Variants in KCNMA1 observed in about 807,000 individuals in gnomAD.
KCNMA1 encodes Calcium-activated potassium channel subunit alpha-1.
Under a neutral mutation model 140.0 loss-of-function variants are expected in KCNMA1, and 29 were observed. The ratio of observed to expected loss-of-function variants is 0.21; its 90% CI spans 0.15 to 0.28. KCNMA1 has a LOEUF of 0.28. KCNMA1 is among the 10% of genes least tolerant of loss of function. The pLI, the probability that KCNMA1 is intolerant of heterozygous loss-of-function variation, is 1.00. For missense variants in KCNMA1, 880 were observed against 1,602.2 expected, an observed-to-expected ratio of 0.55 and a Z score of 7.70; for synonymous variants, 612 against 611.9, an observed-to-expected ratio of 1.00 and a Z score of 0.00.
chr10:77,537,493 CATGAGCT>C (rs1428713973), intron 1 of KCNMA1, among the ~76,000 whole-genome samples: 1 of 152,184 alleles, frequency 6.6e-6, no homozygotes, highest in Admixed American at 6.5e-5. Context: ...GTCCAAGACA[CATGAGCT>C]TCCTTGGAAA....
chr10:77,603,439 T>G (rs965288798), intron 1 of KCNMA1, among the ~76,000 whole-genome samples: 3 of 152,196 alleles, frequency 2.0e-5, no homozygotes, highest in African/African-American at 4.8e-5. Context: ...GGATGCAGTC[T>G]GGAGCTTGCA....
chr10:77,217,874 G>A (rs989439726), intron 3 of KCNMA1, among the ~76,000 whole-genome samples: 5 of 152,076 alleles, frequency 3.3e-5, no homozygotes, highest in African/African-American at 1.2e-4. Flanking sequence ...ATAAAAGTTC[G>A]ATAACCACCA....
At chr10:77,469,640 T>C (rs1237392778) in intron 1 of KCNMA1, among the ~76,000 whole-genome samples, 1 of 152,076 alleles carries the variant, frequency 6.6e-6, no homozygotes, top group Non-Finnish European at 1.5e-5. Flanking sequence ...AGCCCAGAAG[T>C]GTGGCCAAAC....
intron 5 of KCNMA1, among the ~76,000 whole-genome samples, chr10:77,170,527 CA>C (rs879674438): frequency 0.11 from 15,228 of 144,166 alleles, 1,383 homozygotes; most frequent in African/African-American, 0.18. Context: ...GGGAGAAGGT[CA>C]GAGGTGAGGC....
chr10:77,048,172 T>C (rs964918487), intron 14 of KCNMA1, among the ~76,000 whole-genome samples: 1 of 147,368 alleles, frequency 6.8e-6, no homozygotes, highest in Non-Finnish European at 1.5e-5. Context: ...CAATGCAAGG[T>C]ACAAATCCAA....
chr10:76,894,522 T>G (rs1055822282), intron 25 of KCNMA1, among the ~76,000 whole-genome samples: 2 of 152,166 alleles, frequency 1.3e-5, no homozygotes, highest in Admixed American at 6.5e-5. Context: ...TGAAGGACAC[T>G]ATCCAAAAAG....
At chr10:76,993,790 A>G (rs1292769712) in intron 19 of KCNMA1, among the ~76,000 whole-genome samples, 1 of 152,192 alleles carries the variant, frequency 6.6e-6, no homozygotes, top group Non-Finnish European at 1.5e-5. Flanking sequence ...CAGACTAAGA[A>G]CAAAACCCTT....
chr10:77,472,630 C>T (rs906752156), intron 1 of KCNMA1, among the ~76,000 whole-genome samples: 2 of 152,314 alleles, frequency 1.3e-5, no homozygotes, highest in Middle Eastern at 3.4e-3. Context: ...CATGATAGCT[C>T]CTATAAAACA....
At chr10:77,498,103 C>G (rs1379755522) in intron 1 of KCNMA1, among the ~76,000 whole-genome samples, 1 of 151,904 alleles carries the variant, frequency 6.6e-6, no homozygotes, top group East Asian at 1.9e-4. Context: ...AAAAAAAAAT[C>G]AGTTATGCAG....
At chr10:77,129,218 A>G (rs1285463155) in intron 5 of KCNMA1, among the ~76,000 whole-genome samples, 1 of 152,186 alleles carries the variant, frequency 6.6e-6, no homozygotes, top group African/African-American at 2.4e-5. Flanking sequence ...CAGTGCACCA[A>G]AAGGACCAAG....
intron 2 of KCNMA1, among the ~76,000 whole-genome samples, chr10:77,360,768 C>T (rs997440456): frequency 6.6e-6 from 1 of 152,186 alleles, no homozygotes; most frequent in Non-Finnish European, 1.5e-5. Flanking sequence ...GCCCTTTCCA[C>T]AGCACTCAGC....
intron 1 of KCNMA1, among the ~76,000 whole-genome samples, chr10:77,478,341 C>T (rs987464049): frequency 6.6e-6 from 1 of 152,178 alleles, no homozygotes; most frequent in Non-Finnish European, 1.5e-5. Flanking sequence ...AGCAGATGAA[C>T]GCTCTGCTCA....
At chr10:76,906,975 A>G (rs1392804340) in intron 25 of KCNMA1, among the ~76,000 whole-genome samples, 1 of 152,240 alleles carries the variant, frequency 6.6e-6, no homozygotes, top group Non-Finnish European at 1.5e-5. Flanking sequence ...TTGAAAAGTT[A>G]CCATCAATGA....
At chr10:77,307,228 T>G (rs2078004912) in intron 2 of KCNMA1, among the ~76,000 whole-genome samples, 1 of 152,182 alleles carries the variant, frequency 6.6e-6, no homozygotes, top group Non-Finnish European at 1.5e-5. Flanking sequence ...GCCAGTCTCT[T>G]CTGGCCTTCA....
At chr10:77,502,179 G>A (rs1022292257) in intron 1 of KCNMA1, among the ~76,000 whole-genome samples, 2 of 152,158 alleles carry the variant, frequency 1.3e-5, no homozygotes, top group Admixed American at 1.3e-4. Flanking sequence ...GGGCGCCTGG[G>A]AAGAGAGAAA....
intron 14 of KCNMA1, among the ~76,000 whole-genome samples, chr10:77,042,566 GT>G (rs1323447628): frequency 6.6e-6 from 1 of 151,932 alleles, no homozygotes; most frequent in East Asian, 1.9e-4. Flanking sequence ...ATAATGTGTT[GT>G]TTATGGTCTA....
At chr10:77,066,002 T>C (rs1374079197) in intron 14 of KCNMA1, among the ~76,000 whole-genome samples, 2 of 152,022 alleles carry the variant, frequency 1.3e-5, no homozygotes, top group Non-Finnish European at 2.9e-5. Context: ...AGGAGAACAC[T>C]CAGGACTTAA....
intron 1 of KCNMA1, among the ~76,000 whole-genome samples, chr10:77,473,207 G>A (rs11813473): frequency 3.9e-5 from 6 of 152,062 alleles, no homozygotes; most frequent in African/African-American, 1.4e-4. Context: ...CTCAACCAAA[G>A]GCCAGTTGAC....
intron 19 of KCNMA1, among the ~76,000 whole-genome samples, chr10:76,973,796 C>T (rs1401224375): frequency 1.3e-5 from 2 of 151,866 alleles, no homozygotes; most frequent in Non-Finnish European, 2.9e-5. Context: ...TTATCAGCCG[C>T]GCCAGACTGC....
Sources: allele counts gnomAD v4.1 joint callset (sites outside exome capture counted in the v4.1 genomes callset), GRCh38; gene constraint gnomAD v4.1.1; transcripts MANE v1.5; gene names NCBI Gene and HGNC (gene_info 2026-07-23, HGNC 2026-07-21).